Variants in DCAF4 observed in about 807,000 individuals in gnomAD.
The protein encoded by DCAF4 is DDB1 and CUL4 associated factor 4, also known as DDB1- and CUL4-associated factor 4.
DCAF4 carries 37 observed loss-of-function variants against 60.9 expected under a neutral mutation model. The observed-to-expected ratio is 0.61, with a 90% CI of 0.47 to 0.80. The LOEUF is 0.80. DCAF4 is among the 30% of genes least tolerant of loss of function. DCAF4 has a pLI of 0.00. For synonymous variants in DCAF4, 243 were observed against 254.8 expected (o/e 0.95, Z 0.44); for missense variants, 577 against 650.0 (o/e 0.89, Z 1.22).
chr14:72,929,589 A>G, intron 1 of DCAF4: 1 of 953,636 alleles, frequency 1.0e-6, no homozygotes, highest in Non-Finnish European at 1.7e-6. Context: ...TCTTTATTTC[A>G]GGAAGAGGGC....
chr14:72,944,125 G>A (rs532748354), intron 6 of DCAF4, among the ~76,000 whole-genome samples: 1 of 152,236 alleles, frequency 6.6e-6, no homozygotes, highest in African/African-American at 2.4e-5. Context: ...TGATGCACAG[G>A]CCACTGTTCA....
In DCAF4 at chr14:72,956,378, T is replaced by C; in HGVS notation, c.1180-8T>C. The C allele has an allele frequency of 1.9e-6, 3 of 1,594,440 alleles. No individual in the cohort carries two copies. The highest frequency in any genetic ancestry group is 1.7e-6 in the Non-Finnish European group (2 of 1,170,356). ...CCTCCCTGATGGCCCCTGGTGCTTT[T>C]TCCACAGATCAAGCTGTGGGACCTG... On this transcript the variant is annotated splice_polypyrimidine_tract_variant and splice_region_variant and intron_variant, in intron 12 of 13. Transcript: ENST00000358377.
rs763015152 is a variant in DCAF4 at position 72,943,088 on chromosome 14, C to T, written c.526C>T (p.Leu176Phe). Residue 176 changes from leucine (L) to phenylalanine (F), a missense_variant, in exon 6 of 14, where the codon CTC becomes TTC. Leu to Phe is a conservative substitution (Grantham distance 22). Transcript: ENST00000358377. The part of the protein sequence containing the change: ...PSALASDRFN[L>F]ILADTNSDRL... ...CGCCTTGGCAAGCGACCGATTTAAC[C>T]TCATACTGGTGAGTGGGAGGGGGAC... The T allele has an allele frequency of 5.0e-6, 8 of 1,613,996 alleles. No homozygotes were observed. The African/African-American group carries it at 8.0e-5, about 16-fold the overall frequency.
intron 1 of DCAF4, among the ~76,000 whole-genome samples, chr14:72,937,415 T>C (rs866041581): frequency 4.9e-5 from 7 of 143,786 alleles, no homozygotes; most frequent in African/African-American, 1.5e-4. Context: ...CTTTTCTTTT[T>C]TTTTTTTTTT....
At chr14:72,943,727 AC>A (rs1890350117) in intron 6 of DCAF4, among the ~76,000 whole-genome samples, 1 of 152,148 alleles carries the variant, frequency 6.6e-6, no homozygotes, top group South Asian at 2.1e-4. Flanking sequence ...CTTTCGATGG[AC>A]CACGTAAGAG....
intron 13 of DCAF4, 166 bp downstream of exon 13, chr14:72,956,666 T>G (rs1431013377): frequency 1.6e-6 from 1 of 620,548 alleles, no homozygotes; most frequent in African/African-American, 1.8e-5. Context: ...AATTAGATTA[T>G]ATTAGTAATC....
At chr14:72,944,345 A>G (rs1017277393) in intron 6 of DCAF4, among the ~76,000 whole-genome samples, 2 of 152,152 alleles carry the variant, frequency 1.3e-5, no homozygotes, top group Non-Finnish European at 2.9e-5. Context: ...TCCTGAGTAA[A>G]CTTACAACGT....
At chr14:72,929,562 T>C (rs892843822) in intron 1 of DCAF4, 11 of 855,996 alleles carry the variant, frequency 1.3e-5, no homozygotes, top group African/African-American at 8.5e-5. Context: ...TTTTATTTTA[T>C]TTTTCCGTCA....
chr14:72,958,591 T>A, intron 13 of DCAF4, 21 bp from the exon 14 acceptor site: 1 of 1,613,942 alleles, frequency 6.2e-7, no homozygotes, highest in Non-Finnish European at 8.5e-7. Context: ...TAGCCTGCCA[T>A]GTGTCTCTCC....
intron 9 of DCAF4, among the ~76,000 whole-genome samples, chr14:72,953,726 AAAAAAAATATAT>A (rs1354987430): frequency 1.7e-4 from 8 of 45,848 alleles, no homozygotes; most frequent in Non-Finnish European, 3.0e-4. Context: ...AAAAAAAAAA[AAAAAAAATATAT>A]ATATATATAT....
At chr14:72,928,874 C>G (rs551556858) in intron 1 of DCAF4, among the ~76,000 whole-genome samples, 16 of 152,266 alleles carry the variant, frequency 1.1e-4, no homozygotes, top group African/African-American at 3.8e-4. Flanking sequence ...CCGAGGCCCC[C>G]AAACTGGAGA....
Position 72,938,051 on chromosome 14 carries a change from C to T in DCAF4, c.73C>T (p.Leu25Phe), listed in dbSNP as rs373255158. The change falls in exon 2 of 14, where the codon CTC becomes TTC. Residue 25 changes from leucine (L) to phenylalanine (F), a missense_variant. Leu to Phe is a conservative substitution (Grantham distance 22). Coordinates refer to ENST00000358377, the MANE Select transcript of DCAF4 (RefSeq NM_015604.4). ...RSHQQNPWFRLRDSEDRSDSR... is the reference protein window; with the variant it reads ...RSHQQNPWFRFRDSEDRSDSR... ...CCACCAGCAGAACCCTTGGTTCAGA[C>T]TCCGTGATTCTGAAGACAGGCAAGT... 1.9e-6 allele frequency: 3 copies of T among 1,608,022 alleles called. No homozygotes were observed. The highest frequency in any genetic ancestry group is 2.7e-5 in the African/African-American group (2 of 74,348).
chr14:72,947,224 C>G, intron 8 of DCAF4, 33 bp downstream of exon 8: 1 of 1,613,202 alleles, frequency 6.2e-7, no homozygotes. Context: ...GTTTGGTGGG[C>G]AGGCCACACC....
At chr14:72,953,732 A>AAAAAATATATATATATATAT (rs1555527852) in intron 9 of DCAF4, among the ~76,000 whole-genome samples, 1 of 21,778 alleles carries the variant, frequency 4.6e-5, no homozygotes, top group Non-Finnish European at 7.4e-5. Context: ...AAAAAAAAAA[A>AAAAAATATATATATATATAT]ATATATATAT....
downstream of DCAF4, chr14:72,960,680 G>C (rs1357764740): frequency 9.4e-7 from 1 of 1,065,172 alleles, no homozygotes. Flanking sequence ...TACCTCAACA[G>C]GAGAAGTTGG....
rs1388301662 is a variant in DCAF4 at position 72,953,731 on chromosome 14, AAATATAT to A, written c.809-431_809-425del. Among the ~76,000 whole-genome samples, 21 of 36,552 alleles carry A rather than the reference AAATATAT, an allele frequency of 5.7e-4. 4 individuals are homozygous for A. The highest frequency in any genetic ancestry group is 5.4e-3 in the East Asian group (10 of 1,838). 24.0% of individuals were successfully genotyped at this position (36,552 alleles called of 152,430 possible). ...TCTTAAAAAAAAAAAAAAAAAAAAA[AAATATAT>A]ATATATATATATATATATATATATA... On this transcript the variant is annotated intron_variant, in intron 9 of 13. Transcript: ENST00000358377.
chr14:72,929,652 A>G, intron 1 of DCAF4: 1 of 1,328,794 alleles, frequency 7.5e-7, no homozygotes, highest in Non-Finnish European at 1.1e-6. Flanking sequence ...GGCAGCCAGT[A>G]CCTTGCTCAG....
At position 72,958,647 on chromosome 14, in the gene DCAF4, C is replaced by T; in HGVS notation, c.1330C>T (p.His444Tyr). The change falls in exon 14 of 14, where the codon CAC becomes TAC. Residue 444 changes from histidine to tyrosine, a missense_variant. Coordinates refer to ENST00000358377, the MANE Select transcript of DCAF4 (RefSeq NM_015604.4). Reference protein sequence around the residue: ...QDCYTRIWSLHDARLLRTIPS... With the variant: ...QDCYTRIWSLYDARLLRTIPS... ...CTGCTACACGAGAATCTGGAGCCTC[C>T]ACGATGCCCGCCTACTGAGAACCAT... 2 of 1,614,192 alleles carry T rather than the reference C, an allele frequency of 1.2e-6. No homozygotes were observed. Among genetic ancestry groups the T allele is most frequent in the Non-Finnish European group, 1.7e-6 (2 of 1,180,032 alleles).
rs374160459 is a variant in DCAF4 at position 72,943,832 on chromosome 14, G to A, written c.534+736G>A. 1.0e-3 allele frequency among the ~76,000 whole-genome samples: 155 copies of A among 152,248 alleles called. 1 individual carries two copies. The highest frequency in any genetic ancestry group is 3.4e-3 in the Middle Eastern group (1 of 294). ...TACAGAGGCAGGAGCATCTGGACTC[G>A]GTCATCTGCTGGTGGGACTGGAGGC... On this transcript the variant is annotated intron_variant, in intron 6 of 13. Transcript: ENST00000358377.
Sources: gnomAD v4.1 joint callset for allele counts (sites outside exome capture counted in the v4.1 genomes callset) on GRCh38, gnomAD v4.1.1 for gene constraint, MANE v1.5 for transcripts, NCBI Gene and HGNC (gene_info 2026-07-23, HGNC 2026-07-21) for gene names.